Variants in TMC3 observed in about 807,000 individuals in gnomAD.
TMC3 encodes transmembrane channel like 3, also known as transmembrane channel-like protein 3.
A neutral mutation model predicts 110.6 loss-of-function variants in TMC3; 98 were observed. The ratio of observed to expected loss-of-function variants is 0.89; its 90% CI spans 0.75 to 1.05. The LOEUF (loss-of-function observed/expected upper bound fraction) is 1.05, where lower values mean the gene tolerates loss of function less well. Among genes scored for constraint, TMC3 ranks in the 50% least tolerant of loss-of-function variants. The pLI is 0.00. For synonymous variants in TMC3, 489 were observed against 513.1 expected (o/e 0.95, Z 0.63); for missense variants, 1,319 against 1,373.2 (o/e 0.96, Z 0.62).
intron 2 of TMC3, among the ~76,000 whole-genome samples, chr15:81,369,129 G>A (rs922806983): frequency 6.6e-6 from 1 of 151,974 alleles, no homozygotes; most frequent in Non-Finnish European, 1.5e-5. Flanking sequence ...GAAAAACTTA[G>A]TTCTTCTGAA....
At chr15:81,338,997 A>G (rs544194801) in intron 17 of TMC3, among the ~76,000 whole-genome samples, 20 of 152,360 alleles carry the variant, frequency 1.3e-4, no homozygotes, top group African/African-American at 4.8e-4. Context: ...TAAATATTCC[A>G]TATTGTATCA....
chr15:81,374,091 C>T lies in TMC3; in HGVS notation c.-14G>A. ...CGAGGTTTTCATGGGAGCTAACCCA[C>T]TGCTAACAATCAGAAGCTGGCCAGA... On this transcript the variant is annotated 5_prime_UTR_variant, in exon 1 of 22. In the 5' UTR this introduces an upstream ATG that the reference lacks. Coordinates refer to ENST00000359440, the MANE Select transcript of TMC3 (RefSeq NM_001080532.3). 1 of 1,612,404 alleles carries T rather than the reference C, an allele frequency of 6.2e-7. No individual in the cohort carries two copies. The highest frequency in any genetic ancestry group is 8.5e-7 in the Non-Finnish European group (1 of 1,178,926).
At chr15:81,335,092 G>A in intron 20 of TMC3, 117 bp from the exon 21 acceptor site, 1 of 1,146,232 alleles carries the variant, frequency 8.7e-7, no homozygotes, top group Non-Finnish European at 1.2e-6. Flanking sequence ...AAACAATTGA[G>A]TGCACTTACA....
rs779264233 is a variant in TMC3, at chr15:81,359,424, A to G, written c.442T>C (p.Leu148=). Residue 148 remains leucine, a synonymous_variant, in exon 5 of 22, where the codon TTA becomes CTA. Coordinates refer to ENST00000359440, the MANE Select transcript of TMC3 (RefSeq NM_001080532.3). ...GTGAGCACAATATTAATTCCAAATA[A>G]CCATCTCAAGAATATGAAATAGGAG... ...VASYFIFLRW[L]FGINIVLTIM... 7 of 1,605,702 alleles carry G rather than the reference A, an allele frequency of 4.4e-6. No homozygotes were observed. Among genetic ancestry groups the G allele is most frequent in the Admixed American group, 1.7e-5 (1 of 58,032 alleles).
chr15:81,335,451 T>A (rs1893573160), intron 20 of TMC3: 1 of 158,106 alleles, frequency 6.3e-6, no homozygotes, highest in African/African-American at 2.4e-5. Flanking sequence ...TGAACTAAAT[T>A]TAATTACGCT....
chr15:81,356,617 G>A lies in TMC3; in HGVS notation c.744-23C>T, dbSNP rs7165833. The A allele has an allele frequency of 7.7e-3, 12,152 of 1,574,926 alleles. 581 individuals carry two copies. In the African/African-American group the frequency reaches 0.12, roughly 15 times the overall value. ...ATCCTGCAAAAGAGGAGCACAAACA[G>A]GTCTTGGGAGTCTCAGGAATAGGGG... On this transcript the variant is annotated intron_variant, in intron 7 of 21. Transcript: ENST00000359440.
chr15:81,352,550 A>G (rs946413726), intron 9 of TMC3, among the ~76,000 whole-genome samples: 1 of 152,176 alleles, frequency 6.6e-6, no homozygotes, highest in East Asian at 1.9e-4. Flanking sequence ...TGGCTTATGT[A>G]TTTACTATAT....
chr15:81,344,936 C>T lies in TMC3; in HGVS notation c.1348G>A (p.Glu450Lys), dbSNP rs776008765. Residue 450 changes from glutamate (E) to lysine (K), a missense_variant, in exon 13 of 22, where the codon GAA becomes AAA. Glu to Lys is a moderately conservative substitution (Grantham distance 56). Transcript: ENST00000359440. Reference sequence around the variant, plus strand: ...GGCCGAGATGTGGACCATTTCTCTTCTTCAGGGGCTGTCCTGGTTGCAAAG... The same window carrying T: ...GGCCGAGATGTGGACCATTTCTCTTTTTCAGGGGCTGTCCTGGTTGCAAAG... ...TFFATRTAPEEEKWSTSRPGM... is the reference protein window; with the variant it reads ...TFFATRTAPEKEKWSTSRPGM... 1 of 1,613,408 alleles carries T rather than the reference C, an allele frequency of 6.2e-7. No individual in the cohort carries two copies. Among genetic ancestry groups the T allele is most frequent in the Admixed American group, 1.7e-5 (1 of 59,948 alleles).
At chr15:81,344,084 C>T (rs1415268507) in intron 13 of TMC3, 39 bp from the exon 14 acceptor site, 1 of 1,587,664 alleles carries the variant, frequency 6.3e-7, no homozygotes, top group Non-Finnish European at 8.5e-7. Context: ...CCATGCCCCA[C>T]CCTTCCCACG....
intron 4 of TMC3, among the ~76,000 whole-genome samples, chr15:81,361,291 A>T (rs925287578): frequency 7.9e-5 from 12 of 152,140 alleles, no homozygotes; most frequent in Non-Finnish European, 1.3e-4. Flanking sequence ...TGAAGGAGTT[A>T]AACTTACTCT....
chr15:81,366,960 G>T (rs1399003645), intron 3 of TMC3, among the ~76,000 whole-genome samples: 1 of 152,066 alleles, frequency 6.6e-6, no homozygotes, highest in Admixed American at 6.5e-5. Context: ...ATCAACATTG[G>T]TGCAGGTATT....
intron 20 of TMC3, chr15:81,335,505 C>T (rs993917365): frequency 8.4e-5 from 13 of 155,416 alleles, no homozygotes; most frequent in African/African-American, 2.7e-4. Context: ...CATTTTATGG[C>T]GTGAGCCACA....
chr15:81,358,863 A>G (rs1211862842), intron 5 of TMC3, among the ~76,000 whole-genome samples: 1 of 152,184 alleles, frequency 6.6e-6, no homozygotes, highest in Admixed American at 6.5e-5. Context: ...ACATGGATAC[A>G]TCATGCTATG....
In TMC3 at chr15:81,333,010, CCAGA is replaced by C; in HGVS notation, c.2708_2711del (p.Val903GlyfsTer8). The C allele has an allele frequency of 6.2e-7, 1 of 1,613,728 alleles. No homozygotes were observed. The highest frequency in any genetic ancestry group is 1.3e-5 in the African/African-American group (1 of 75,002). On this transcript the variant is annotated frameshift_variant, in exon 22 of 22. Transcript: ENST00000359440. LOFTEE classifies it low-confidence loss of function (END_TRUNC). Reference sequence around the variant, plus strand: ...CATCTATCTTGAAATGTCTTTCTGGCCAGACATTTAGATGTTTTTTCTTGTAAGA... The same window carrying C: ...CATCTATCTTGAAATGTCTTTCTGGCCATTTAGATGTTTTTTCTTGTAAGA...
chr15:81,357,345 A>G (rs1356667312), intron 7 of TMC3, among the ~76,000 whole-genome samples: 1 of 151,802 alleles, frequency 6.6e-6, no homozygotes, highest in Non-Finnish European at 1.5e-5. Context: ...CATTTTGCTA[A>G]CATGCCACAA....
intron 3 of TMC3, among the ~76,000 whole-genome samples, chr15:81,366,350 G>A (rs1206915099): frequency 3.3e-5 from 5 of 152,210 alleles, no homozygotes; most frequent in African/African-American, 9.6e-5. Context: ...TAAAAGGGGA[G>A]AACAGCCAGT....
chr15:81,356,649 G>C, intron 7 of TMC3, 55 bp from the exon 8 acceptor site: 1 of 1,541,364 alleles, frequency 6.5e-7, no homozygotes, highest in Non-Finnish European at 8.8e-7. Context: ...GGGGGCTGTA[G>C]CTAGCACCCA....
intron 17 of TMC3, among the ~76,000 whole-genome samples, 176 bp from the exon 18 acceptor site, chr15:81,338,956 G>A (rs1466776034): frequency 6.6e-6 from 1 of 152,212 alleles, no homozygotes; most frequent in Non-Finnish European, 1.5e-5. Context: ...GCATGTATGT[G>A]TGTGTTCTAA....
intron 18 of TMC3, 135 bp from the exon 19 acceptor site, chr15:81,338,059 A>G: frequency 1.4e-6 from 1 of 691,678 alleles, no homozygotes; most frequent in East Asian, 2.7e-5. Context: ...ACCCTCCGCT[A>G]AGGACAAAAT....
Sources: allele counts gnomAD v4.1 joint callset (sites outside exome capture counted in the v4.1 genomes callset), GRCh38; gene constraint gnomAD v4.1.1; transcripts MANE v1.5; gene names NCBI Gene and HGNC (gene_info 2026-07-23, HGNC 2026-07-21).